NRG1: variants seen among roughly 807,000 people sequenced by gnomAD.
The protein encoded by NRG1 is pro-neuregulin-1, membrane-bound isoform.
Under a neutral mutation model 63.8 loss-of-function variants are expected in NRG1, and 18 were observed. That is an observed-to-expected ratio of 0.28 (90% CI 0.19 to 0.42). NRG1 has a LOEUF of 0.42. Among genes scored for constraint, NRG1 ranks in the 10% least tolerant of loss-of-function variants. The pLI is 1.00. For missense variants in NRG1, 762 were observed against 814.7 expected (o/e 0.94, Z 0.79); for synonymous variants, 302 against 301.3 (o/e 1.00, Z -0.02).
chr8:31,678,572 T>TCCACA (rs1486310164), intron 1 of NRG1, among the ~76,000 whole-genome samples: 11 of 152,026 alleles, frequency 7.2e-5, no homozygotes, highest in Middle Eastern at 3.4e-3. Context: ...TATATTTTTT[T>TCCACA]GACAAGTCTG....
At chr8:32,176,245 T>C (rs554983010) in intron 1 of NRG1, among the ~76,000 whole-genome samples, 1 of 152,188 alleles carries the variant, frequency 6.6e-6, no homozygotes, top group African/African-American at 2.4e-5. Flanking sequence ...CCCTATTTAA[T>C]AAATGGTGCT....
At chr8:32,569,159 C>G (rs910917149) in intron 1 of NRG1, among the ~76,000 whole-genome samples, 1 of 152,114 alleles carries the variant, frequency 6.6e-6, no homozygotes, top group Non-Finnish European at 1.5e-5. Context: ...AAGCAATTCT[C>G]CTGCCTCAGG....
intron 1 of NRG1, among the ~76,000 whole-genome samples, chr8:32,302,175 T>C (rs1025493454): frequency 6.6e-6 from 1 of 152,136 alleles, no homozygotes; most frequent in Admixed American, 6.6e-5. Context: ...GTCTTGGGGG[T>C]GCAGGAATTC....
intron 1 of NRG1, among the ~76,000 whole-genome samples, chr8:32,304,755 C>A (rs1391901689): frequency 6.6e-6 from 1 of 152,066 alleles, no homozygotes; most frequent in African/African-American, 2.4e-5. Context: ...TTGTCTCACA[C>A]CTGTAATCCC....
intron 1 of NRG1, among the ~76,000 whole-genome samples, chr8:31,724,957 A>T (rs1041740448): frequency 1.3e-5 from 2 of 152,208 alleles, no homozygotes; most frequent in Non-Finnish European, 2.9e-5. Context: ...TGTAGTGTGA[A>T]AGCATCCATA....
intron 1 of NRG1, among the ~76,000 whole-genome samples, chr8:32,411,614 G>A (rs1315597672): frequency 6.6e-6 from 1 of 152,154 alleles, no homozygotes; most frequent in Non-Finnish European, 1.5e-5. Flanking sequence ...ATGGACAGGG[G>A]CTTACTATAT....
rs1369276554 is a variant in NRG1, at chr8:31,640,517, A to G, written c.37+1086A>G. On this transcript the variant is annotated intron_variant, in intron 1 of 10. Coordinates refer to the NRG1 transcript ENST00000519301. This position sits in a 1 kb window ranked among gnomAD's most constrained non-coding sequence, Gnocchi z 6.3. ...GTGAAAGCCGGGGGCTTGAAGAAGG[A>G]CTCGCTGCTCACCGTGCGCCTGGGG... 1.2e-6 allele frequency: 2 copies of G among 1,611,128 alleles called. No individual in the cohort carries two copies.
intron 1 of NRG1, among the ~76,000 whole-genome samples, chr8:31,852,400 A>T (rs1190644515): frequency 6.6e-6 from 1 of 152,062 alleles, no homozygotes; most frequent in East Asian, 1.9e-4. Flanking sequence ...GGCTGCATAA[A>T]TGTCTTCTTT....
chr8:31,748,608 A>C (rs1816133974), intron 1 of NRG1, among the ~76,000 whole-genome samples: 1 of 151,978 alleles, frequency 6.6e-6, no homozygotes, highest in Non-Finnish European at 1.5e-5. Context: ...CAAGACCTAG[A>C]TACAGACAAC....
At chr8:32,493,371 C>G (rs1451541889) in intron 1 of NRG1, among the ~76,000 whole-genome samples, 3 of 152,098 alleles carry the variant, frequency 2.0e-5, no homozygotes, top group Non-Finnish European at 4.4e-5. Flanking sequence ...ATTTCCTATC[C>G]CAGAAAATAA....
intron 1 of NRG1, among the ~76,000 whole-genome samples, chr8:31,880,283 A>C (rs1830249817): frequency 6.6e-6 from 1 of 152,182 alleles, no homozygotes; most frequent in African/African-American, 2.4e-5. Flanking sequence ...CTCTGCTTTT[A>C]TGAAGCTTAC....
intron 1 of NRG1, among the ~76,000 whole-genome samples, chr8:32,083,948 G>T (rs182557756): frequency 6.6e-5 from 10 of 152,274 alleles, no homozygotes; most frequent in African/African-American, 2.4e-4. Context: ...GAGAGAAACT[G>T]AGGCATAAAA....
At chr8:32,441,344 A>G (rs1819519068) in intron 1 of NRG1, 3 of 152,104 alleles carry the variant, frequency 2.0e-5, no homozygotes, top group Admixed American at 6.6e-5. Context: ...ACTGAGCTCT[A>G]TGAGTCAATT....
chr8:31,681,918 G>A (rs531639004), intron 1 of NRG1, among the ~76,000 whole-genome samples: 1 of 152,208 alleles, frequency 6.6e-6, no homozygotes, highest in African/African-American at 2.4e-5. Context: ...ACACAATTGT[G>A]TATTTGCTGC....
At chr8:32,519,783 G>A (rs779432824) in intron 1 of NRG1, among the ~76,000 whole-genome samples, 13 of 152,090 alleles carry the variant, frequency 8.5e-5, no homozygotes, top group Non-Finnish European at 1.6e-4. Flanking sequence ...TGATAAACAC[G>A]TTTGATTTTT....
chr8:32,490,317 A>G (rs1035463317), intron 1 of NRG1, among the ~76,000 whole-genome samples: 2 of 150,848 alleles, frequency 1.3e-5, no homozygotes, highest in Non-Finnish European at 3.0e-5. Context: ...AAAAAAAAAA[A>G]CTGGGGGCCA....
At chr8:32,196,564 A>T (rs1250377720) in intron 1 of NRG1, among the ~76,000 whole-genome samples, 1 of 152,248 alleles carries the variant, frequency 6.6e-6, no homozygotes, top group Non-Finnish European at 1.5e-5. Context: ...TGCTAGCCAA[A>T]GCAGAAATAT....
At chr8:31,760,726 G>T (rs899381659) in intron 1 of NRG1, among the ~76,000 whole-genome samples, 2 of 152,156 alleles carry the variant, frequency 1.3e-5, no homozygotes, top group African/African-American at 4.8e-5. Flanking sequence ...GGCCATCAGA[G>T]AAATGCAAAT....
chr8:32,595,921 C>G (rs1004956712), exon 2 of NRG1: 9 of 1,613,832 alleles, frequency 5.6e-6, no homozygotes, highest in Non-Finnish European at 7.6e-6. Flanking sequence ...GAATACTCCT[C>G]TCTCAGATTC....
Sources: allele counts gnomAD v4.1 joint callset (sites outside exome capture counted in the v4.1 genomes callset), GRCh38; gene constraint gnomAD v4.1.1; non-coding constraint Gnocchi (gnomAD v3.1); transcripts MANE v1.5; gene names NCBI Gene and HGNC (gene_info 2026-07-23, HGNC 2026-07-21).